The following WWOX variants were observed in gnomAD, a reference collection of about 807,000 sequenced individuals.
The protein encoded by WWOX is WW domain containing oxidoreductase.
WWOX carries 69 observed loss-of-function variants against 46.2 expected under a neutral mutation model. The observed-to-expected ratio is 1.49, with a 90% CI of 1.23 to 1.82. The LOEUF (loss-of-function observed/expected upper bound fraction) is 1.82. Ranked by LOEUF, WWOX falls within the 40% of genes most tolerant of loss-of-function variation. The probability of loss-of-function intolerance (pLI) is 0.00; values close to 1 mark genes in which losing one functional copy is unlikely to be tolerated. For synonymous variants in WWOX, 359 were observed against 202.6 expected (o/e 1.77, Z -6.56); for missense variants, 919 against 542.6 (o/e 1.69, Z -6.89).
At chr16:79,068,262 G>T (rs1426387247) in intron 8 of WWOX, among the ~76,000 whole-genome samples, 1 of 152,174 alleles carries the variant, frequency 6.6e-6, no homozygotes, top group East Asian at 1.9e-4. Context: ...CCATGACTGT[G>T]TCAAGCACTT....
At chr16:78,359,847 T>C (rs1459133283) in intron 5 of WWOX, among the ~76,000 whole-genome samples, 1 of 152,182 alleles carries the variant, frequency 6.6e-6, no homozygotes, top group East Asian at 1.9e-4. Context: ...GAGGTGACTA[T>C]GGACTTAATT....
At chr16:78,543,117 A>G (rs1005074294) in intron 8 of WWOX, among the ~76,000 whole-genome samples, 3 of 152,368 alleles carry the variant, frequency 2.0e-5, no homozygotes, top group Non-Finnish European at 4.4e-5. Context: ...GTGGGCTGGC[A>G]TGTTCTTCTG....
chr16:78,102,275 C>G (rs953997108), intron 1 of WWOX, among the ~76,000 whole-genome samples: 1 of 152,048 alleles, frequency 6.6e-6, no homozygotes, highest in African/African-American at 2.4e-5. Context: ...GTAGAGGGAA[C>G]AGTGAGAGGA....
At chr16:78,386,762 G>A in intron 5 of WWOX, 98 bp from the exon 6 acceptor site, 2 of 1,069,656 alleles carry the variant, frequency 1.9e-6, no homozygotes, top group Admixed American at 1.8e-5. Flanking sequence ...ATTAAACAGG[G>A]GAATTCCGAC....
intron 5 of WWOX, among the ~76,000 whole-genome samples, chr16:78,358,968 T>C (rs922334587): frequency 2.0e-5 from 3 of 150,860 alleles, no homozygotes; most frequent in Admixed American, 6.6e-5. Context: ...TATAGCTTCA[T>C]AACTTAGTAA....
At chr16:78,137,759 A>T (rs1005469599) in intron 4 of WWOX, among the ~76,000 whole-genome samples, 1 of 152,078 alleles carries the variant, frequency 6.6e-6, no homozygotes, top group Admixed American at 6.6e-5. Flanking sequence ...GTTTTATTTG[A>T]CAGCTCTTAG....
chr16:78,817,183 T>G (rs1298599683), intron 8 of WWOX, among the ~76,000 whole-genome samples: 18 of 140,076 alleles, frequency 1.3e-4, no homozygotes, highest in Non-Finnish European at 2.6e-4. Context: ...TTTTTTTTTT[T>G]TTTTTTTTTT....
At chr16:78,555,329 C>T (rs750208864) in intron 8 of WWOX, among the ~76,000 whole-genome samples, 4 of 152,158 alleles carry the variant, frequency 2.6e-5, no homozygotes, top group African/African-American at 9.7e-5. Context: ...CTAATACTCA[C>T]ATTTCCCAAA....
chr16:79,189,502 T>C (rs1322717925), intron 8 of WWOX, among the ~76,000 whole-genome samples: 2 of 151,404 alleles, frequency 1.3e-5, no homozygotes, highest in African/African-American at 4.9e-5. Context: ...GGTCTCACTG[T>C]GTTGGCCAGG....
intron 8 of WWOX, among the ~76,000 whole-genome samples, chr16:78,810,607 A>C (rs1056780712): frequency 6.6e-5 from 10 of 152,252 alleles, no homozygotes; most frequent in African/African-American, 2.4e-4. Context: ...GCAGTGCTGG[A>C]GTATTTTACC....
chr16:78,426,491 A>G (rs1440543589), intron 7 of WWOX, among the ~76,000 whole-genome samples: 1 of 152,100 alleles, frequency 6.6e-6, no homozygotes, highest in Non-Finnish European at 1.5e-5. Context: ...AGAGATCCAA[A>G]TCTCAGCATC....
In WWOX at chr16:79,199,296, C is replaced by G. The variant is rs563215720; in HGVS notation, c.1057-12312C>G. On this transcript the variant is annotated intron_variant, in intron 8 of 8. Coordinates refer to ENST00000566780, the MANE Select transcript of WWOX (RefSeq NM_016373.4). The stretch of plus-strand genomic sequence containing the variant: ...CAGGCTGGTCTCGAACTCCTGACCT[C>G]AAGTGATCCACCTGCCTTGGCCTCC... 2.0e-5 allele frequency among the ~76,000 whole-genome samples: 3 copies of G among 152,278 alleles called. No homozygotes were observed. In the South Asian group the frequency reaches 6.2e-4, roughly 32 times the overall value.
chr16:78,539,104 T>C (rs555898535), intron 8 of WWOX, among the ~76,000 whole-genome samples: 3 of 152,226 alleles, frequency 2.0e-5, no homozygotes, highest in Non-Finnish European at 4.4e-5. Context: ...GCAACCCTGA[T>C]AACTTGTGCC....
chr16:78,434,242 G>C (rs2083288310), intron 8 of WWOX, among the ~76,000 whole-genome samples: 1 of 152,206 alleles, frequency 6.6e-6, no homozygotes. Context: ...TGGCAGTGAA[G>C]TGAAAGGACC....
At chr16:78,584,190 A>G (rs1319757014) in intron 8 of WWOX, among the ~76,000 whole-genome samples, 2 of 152,214 alleles carry the variant, frequency 1.3e-5, no homozygotes, top group South Asian at 2.1e-4. Flanking sequence ...AAGGCCTGGC[A>G]TAATCATTGT....
chr16:78,227,172 A>G (rs2037088952), intron 5 of WWOX, among the ~76,000 whole-genome samples: 1 of 152,102 alleles, frequency 6.6e-6, no homozygotes, highest in African/African-American at 2.4e-5. Context: ...TTTCCTGTTC[A>G]TTACTCTTTT....
At chr16:79,208,553 C>G (rs1435294951) in intron 8 of WWOX, among the ~76,000 whole-genome samples, 1 of 152,042 alleles carries the variant, frequency 6.6e-6, no homozygotes. Flanking sequence ...GCTCTTTCAT[C>G]TTTTCTGCAT....
intron 8 of WWOX, among the ~76,000 whole-genome samples, chr16:78,864,249 G>C (rs1219822390): frequency 6.6e-6 from 1 of 151,670 alleles, no homozygotes; most frequent in Non-Finnish European, 1.5e-5. Flanking sequence ...ATACAGAATG[G>C]AGCCCTTTTT....
At chr16:78,657,489 G>A (rs184578298) in intron 8 of WWOX, among the ~76,000 whole-genome samples, 6 of 152,296 alleles carry the variant, frequency 3.9e-5, no homozygotes, top group Admixed American at 2.0e-4. Flanking sequence ...GATGCATGCT[G>A]GGGTCAGTAA....
Sources: gnomAD v4.1 joint callset for allele counts (sites outside exome capture counted in the v4.1 genomes callset) on GRCh38, gnomAD v4.1.1 for gene constraint, MANE v1.5 for transcripts, NCBI Gene and HGNC (gene_info 2026-07-23, HGNC 2026-07-21) for gene names.